The following SOD2 variants were observed in gnomAD, a reference collection of about 807,000 sequenced individuals.
SOD2 encodes the protein superoxide dismutase 2.
A neutral mutation model predicts 27.0 loss-of-function variants in SOD2; 11 were observed. That is an observed-to-expected ratio of 0.41 (90% CI 0.26 to 0.67). The LOEUF is 0.67. Ranked by LOEUF, SOD2 falls within the 30% of genes least tolerant of loss-of-function variation. The pLI, the probability that SOD2 is intolerant of heterozygous loss-of-function variation, is 0.34. For synonymous variants in SOD2, 105 were observed against 103.0 expected (o/e 1.02, Z -0.12); for missense variants, 250 against 274.5 (o/e 0.91, Z 0.63).
intron 1 of SOD2, among the ~76,000 whole-genome samples, chr6:159,719,697 TCTAA>T (rs1777991913): frequency 6.7e-6 from 1 of 150,118 alleles, no homozygotes; most frequent in African/African-American, 2.4e-5. Flanking sequence ...ATTCACTTAA[TCTAA>T]CTCAGTATTA....
At chr6:159,740,537 A>G (rs577541802) in intron 1 of SOD2, among the ~76,000 whole-genome samples, 2 of 152,250 alleles carry the variant, frequency 1.3e-5, no homozygotes, top group South Asian at 4.1e-4. Flanking sequence ...TCGTTCTTTT[A>G]TAGCCTCCAC....
chr6:159,705,535 A>G (rs573527315), intron 1 of SOD2, among the ~76,000 whole-genome samples: 1 of 152,378 alleles, frequency 6.6e-6, no homozygotes, highest in East Asian at 1.9e-4. Context: ...TTGAAGATCA[A>G]ATGAATGAAA....
intron 3 of SOD2, among the ~76,000 whole-genome samples, chr6:159,687,432 C>A (rs182001016): frequency 6.6e-6 from 1 of 152,028 alleles, no homozygotes; most frequent in Non-Finnish European, 1.5e-5. Context: ...TTGCAATGAG[C>A]CGACATTGCA....
chr6:159,708,850 C>T (rs1309247283), intron 1 of SOD2, among the ~76,000 whole-genome samples: 4 of 150,178 alleles, frequency 2.7e-5, no homozygotes, highest in African/African-American at 7.4e-5. Context: ...GGAGGCATCA[C>T]GCTGACTTCA....
At position 159,712,138 on chromosome 6, in the gene SOD2, T is replaced by C. The variant is rs1488952207; in HGVS notation, c.-116+14991A>G. 2.1e-4 allele frequency among the ~76,000 whole-genome samples: 10 copies of C among 48,328 alleles called. 1 individual carries two copies. Among genetic ancestry groups the C allele is most frequent in the Admixed American group, 6.5e-4 (2 of 3,056 alleles). The allele number at this position is 48,328 out of a possible 152,430, so 31.7% of individuals were successfully genotyped here. A position where few individuals can be genotyped will look rare whatever the true frequency, so the allele number is the denominator to read the frequency against. On this transcript the variant is annotated intron_variant, in intron 1 of 2. Transcript: ENST00000401980. The stretch of plus-strand genomic sequence containing the variant: ...GCTCAGACCTCCATAACCACCTCCA[T>C]AACCACCACTCAGCTGCTCTGACCA...
chr6:159,749,480 T>C, upstream of SOD2: 3 of 974,022 alleles, frequency 3.1e-6, no homozygotes, highest in South Asian at 1.4e-4. Context: ...TTGTACTCTT[T>C]AACATTTTAA....
At chr6:159,739,131 T>C (rs991733717) in intron 1 of SOD2, 14 of 1,109,458 alleles carry the variant, frequency 1.3e-5, no homozygotes, top group African/African-American at 1.1e-4. Flanking sequence ...GTGCCAGATA[T>C]TGTTTTTAAT....
chr6:159,677,206 A>G lies in SOD2; in HGVS notation c.*5287T>C, dbSNP rs1779798178. 1 of 152,208 alleles carries G rather than the reference A, an allele frequency of 6.6e-6. No individual in the cohort carries two copies. Among genetic ancestry groups the G allele is most frequent in the South Asian group, 2.1e-4 (1 of 4,830 alleles). The allele number at this position is 152,208 out of a possible 1,614,324, so 9.4% of individuals were successfully genotyped here. A position where few individuals can be genotyped will look rare whatever the true frequency, so the allele number is the denominator to read the frequency against. On this transcript the variant is annotated 3_prime_UTR_variant, in exon 5 of 5. Transcript: ENST00000538183. ...CACCGTGACGCTGGGCATCGAGACT[A>G]CTGGGTGCAACAATGGGACACACTG...
At chr6:159,697,576 A>G (rs1777446334), upstream of SOD2, among the ~76,000 whole-genome samples, 2 of 152,204 alleles carry the variant, frequency 1.3e-5, no homozygotes, top group Admixed American at 6.5e-5. Flanking sequence ...TTCAGAACAA[A>G]AGTGTTCTGT....
chr6:159,702,833 G>C (rs1341644622), intron 1 of SOD2, among the ~76,000 whole-genome samples: 3 of 103,538 alleles, frequency 2.9e-5, no homozygotes, highest in Admixed American at 1.3e-4. Flanking sequence ...CTGGGCGACA[G>C]AGCAAGACCC....
chr6:159,760,353 T>G (rs969478378), intron 1 of SOD2: 2 of 151,718 alleles, frequency 1.3e-5, no homozygotes, highest in African/African-American at 4.9e-5. Flanking sequence ...CACTGAAACC[T>G]CTGCCTCCTA....
intron 1 of SOD2, among the ~76,000 whole-genome samples, chr6:159,759,245 G>A (rs535195977): frequency 1.3e-5 from 2 of 149,936 alleles, no homozygotes; most frequent in African/African-American, 4.9e-5. Context: ...TTTTAGTAGA[G>A]ACAGAGTTTC....
At chr6:159,695,371 G>C (rs1438851219), upstream of SOD2, among the ~76,000 whole-genome samples, 2 of 152,182 alleles carry the variant, frequency 1.3e-5, no homozygotes, top group Non-Finnish European at 2.9e-5. Context: ...GATAGCAGCA[G>C]TCAGGTAGAA....
intron 2 of SOD2, among the ~76,000 whole-genome samples, chr6:159,688,609 A>G (rs1160380711): frequency 6.6e-6 from 1 of 152,200 alleles, no homozygotes; most frequent in Non-Finnish European, 1.5e-5. Context: ...TCTCACTTTC[A>G]AGACAGACGA....
At chr6:159,748,844 T>C, upstream of SOD2, 1 of 1,219,968 alleles carries the variant, frequency 8.2e-7, no homozygotes, top group Non-Finnish European at 1.0e-6. The surrounding 1 kb of genome is among the most constrained non-coding windows in gnomAD (Gnocchi z 5.6). Flanking sequence ...ACCTTGAGCA[T>C]AGTGACTTAG....
upstream of SOD2, among the ~76,000 whole-genome samples, chr6:159,730,226 T>C (rs1349136779): frequency 6.6e-6 from 1 of 152,214 alleles, no homozygotes; most frequent in Non-Finnish European, 1.5e-5. Flanking sequence ...AACTTTGACT[T>C]TGAAAAGTGC....
At position 159,671,324 on chromosome 6, in the gene SOD2, C is replaced by T. The variant is rs918745693; in HGVS notation, c.*11169G>A. ...AGTGAGTCCCTGACCCCCGAGTAGC[C>T]TAACTGGGAGGCACCCCCAAGTAGG... On this transcript the variant is annotated 3_prime_UTR_variant, in exon 5 of 5. Coordinates refer to ENST00000538183, the MANE Select transcript of SOD2 (RefSeq NM_000636.4). The T allele has an allele frequency of 1.3e-4, 20 of 152,600 alleles. 1 individual carries two copies. Among genetic ancestry groups the T allele is most frequent in the African/African-American group, 4.3e-4 (18 of 41,582 alleles). The allele number at this position is 152,600 out of a possible 1,614,324, so 9.5% of individuals were successfully genotyped here.
intron 1 of SOD2, among the ~76,000 whole-genome samples, chr6:159,710,297 A>C (rs1208397937): frequency 6.7e-6 from 1 of 148,870 alleles, no homozygotes; most frequent in Non-Finnish European, 1.5e-5. Flanking sequence ...ATAAAATACA[A>C]AAATTAGCTG....
chr6:159,710,846 A>G (rs543323025), intron 1 of SOD2, among the ~76,000 whole-genome samples: 2 of 147,928 alleles, frequency 1.4e-5, no homozygotes, highest in Non-Finnish European at 3.0e-5. Context: ...GATCACCATA[A>G]CCACCTCATA....
Sources: gnomAD v4.1 joint callset for allele counts (sites outside exome capture counted in the v4.1 genomes callset) on GRCh38, gnomAD v4.1.1 for gene constraint, Gnocchi (gnomAD v3.1) non-coding constraint, MANE v1.5 for transcripts, NCBI Gene and HGNC (gene_info 2026-07-23, HGNC 2026-07-21) for gene names.